TMEM178B: variants seen among roughly 807,000 people sequenced by gnomAD.
TMEM178B encodes transmembrane protein 178B.
TMEM178B carries 5 observed loss-of-function variants against 31.0 expected under a neutral mutation model. That is an observed-to-expected ratio of 0.16 (90% CI 0.08 to 0.34). The LOEUF (loss-of-function observed/expected upper bound fraction) is 0.34. Among genes scored for constraint, TMEM178B ranks in the 10% least tolerant of loss-of-function variants. The pLI is 1.00. For synonymous variants in TMEM178B, 164 were observed against 164.0 expected (o/e 1.00, Z 0.00); for missense variants, 275 against 400.3 (o/e 0.69, Z 2.67).
intron 1 of TMEM178B, among the ~76,000 whole-genome samples, chr7:141,158,360 T>C (rs1207939985): frequency 6.6e-6 from 1 of 152,170 alleles, no homozygotes; most frequent in Admixed American, 6.5e-5. Context: ...CCTCCCAAAA[T>C]GCTGGGATTA....
the TMEM178B span, among the ~76,000 whole-genome samples, chr7:141,487,237 A>G: frequency 6.6e-6 from 1 of 152,146 alleles, no homozygotes; most frequent in Non-Finnish European, 1.5e-5. Flanking sequence ...ACCAAGGGAC[A>G]TGCAGTTTCC....
At chr7:141,385,961 T>C (rs1800424538) in intron 2 of TMEM178B, among the ~76,000 whole-genome samples, 1 of 152,266 alleles carries the variant, frequency 6.6e-6, no homozygotes, top group African/African-American at 2.4e-5. Context: ...CTGGGGCTTC[T>C]TTCTGAACTC....
rs143978702 is a variant in TMEM178B at position 141,259,929 on chromosome 7, A to T, written c.496+47225A>T. ...CTCCTCTGTCTGTGCACAATGCCTC[A>T]CATTCACCCAGGGGTGTGTGGATAG... is the stretch of plus-strand genomic sequence containing the variant. On this transcript the variant is annotated intron_variant, in intron 2 of 3. Transcript: ENST00000565468. Among the ~76,000 whole-genome samples the T allele has an allele frequency of 6.0e-3, 918 of 152,196 alleles. 2 individuals are homozygous for T. Among genetic ancestry groups the T allele is most frequent in the Non-Finnish European group, 9.5e-3 (649 of 68,000 alleles).
chr7:141,396,724 T>A (rs1460655590), intron 2 of TMEM178B, among the ~76,000 whole-genome samples: 1 of 152,180 alleles, frequency 6.6e-6, no homozygotes, highest in African/African-American at 2.4e-5. Context: ...GTGGGCACAG[T>A]GACCCATCTT....
In TMEM178B at chr7:141,476,098, C is replaced by G. The variant is rs188496256; in HGVS notation, c.*5312C>G. On this transcript the variant is annotated 3_prime_UTR_variant, in exon 4 of 4. Coordinates refer to ENST00000565468, the MANE Select transcript of TMEM178B (RefSeq NM_001195278.2). ...ATGTTCTAATTATCCCTCAGAAGAC[C>G]CCCCGCTGGAATGGAATTCTCACAT... 1 of 152,180 alleles carries G rather than the reference C, an allele frequency of 6.6e-6. No homozygotes were observed. The highest frequency in any genetic ancestry group is 6.5e-5 in the Admixed American group (1 of 15,280). 9.4% of individuals were successfully genotyped at this position (152,180 alleles called of 1,614,324 possible).
At chr7:141,219,030 G>A (rs1459913708) in intron 2 of TMEM178B, among the ~76,000 whole-genome samples, 1 of 152,204 alleles carries the variant, frequency 6.6e-6, no homozygotes, top group Non-Finnish European at 1.5e-5. Flanking sequence ...GTGGACCAAA[G>A]GGCTTGGGAT....
intron 2 of TMEM178B, among the ~76,000 whole-genome samples, chr7:141,305,193 G>T (rs1378422210): frequency 2.6e-5 from 4 of 152,106 alleles, no homozygotes; most frequent in African/African-American, 9.7e-5. Context: ...TCACTTCACT[G>T]CCCCAAAAGA....
chr7:141,285,450 G>A (rs935291059), intron 2 of TMEM178B, among the ~76,000 whole-genome samples: 3 of 151,806 alleles, frequency 2.0e-5, no homozygotes, highest in Admixed American at 6.6e-5. Context: ...GAGCCACTGC[G>A]CCTGGCCAAT....
At chr7:141,120,293 ATC>A (rs1795388836) in intron 1 of TMEM178B, among the ~76,000 whole-genome samples, 1 of 152,222 alleles carries the variant, frequency 6.6e-6, no homozygotes, top group African/African-American at 2.4e-5. Flanking sequence ...GAGAAAATAT[ATC>A]TGTTTGTGAA....
intron 1 of TMEM178B, among the ~76,000 whole-genome samples, chr7:141,177,070 T>A (rs1796445924): frequency 6.6e-6 from 1 of 152,248 alleles, no homozygotes; most frequent in Non-Finnish European, 1.5e-5. Flanking sequence ...CTTTCTTGCT[T>A]TCTCTTGTGG....
At chr7:141,408,425 C>A (rs1800924228) in intron 2 of TMEM178B, among the ~76,000 whole-genome samples, 1 of 152,168 alleles carries the variant, frequency 6.6e-6, no homozygotes, top group Admixed American at 6.5e-5. Flanking sequence ...TGCTTGGCCC[C>A]ACCCCCAGAT....
intron 2 of TMEM178B, among the ~76,000 whole-genome samples, chr7:141,382,552 G>T (rs1448818973): frequency 6.6e-6 from 1 of 152,136 alleles, no homozygotes; most frequent in East Asian, 1.9e-4. Flanking sequence ...CATTTCATGT[G>T]TCTGATCTGC....
intron 2 of TMEM178B, among the ~76,000 whole-genome samples, chr7:141,384,760 A>C (rs1322410614): frequency 6.6e-6 from 1 of 152,164 alleles, no homozygotes; most frequent in Non-Finnish European, 1.5e-5. Context: ...GAAGAAAGTC[A>C]TTGGTAGCTT....
chr7:141,385,636 T>C (rs2116595344), intron 2 of TMEM178B, among the ~76,000 whole-genome samples: 1 of 152,332 alleles, frequency 6.6e-6, no homozygotes, highest in South Asian at 2.1e-4. Flanking sequence ...GTCAGCAACC[T>C]TTTTATCCAG....
chr7:141,322,459 C>T (rs1052524662), intron 2 of TMEM178B, among the ~76,000 whole-genome samples: 7 of 152,150 alleles, frequency 4.6e-5, no homozygotes, highest in East Asian at 1.9e-4. Context: ...CCCTTGATCC[C>T]GGGAGGTGGA....
At chr7:141,205,903 A>G (rs1201119250) in intron 1 of TMEM178B, among the ~76,000 whole-genome samples, 2 of 152,220 alleles carry the variant, frequency 1.3e-5, no homozygotes, top group Non-Finnish European at 2.9e-5. Context: ...TTTCTGTGCC[A>G]TCTCTGGCAC....
chr7:141,240,090 A>C (rs1797595096), intron 2 of TMEM178B, among the ~76,000 whole-genome samples: 1 of 152,226 alleles, frequency 6.6e-6, no homozygotes, highest in African/African-American at 2.4e-5. Context: ...CTTTGAAATC[A>C]CATGTTAATT....
intron 2 of TMEM178B, among the ~76,000 whole-genome samples, chr7:141,227,005 G>A (rs1797354715): frequency 2.0e-5 from 3 of 152,192 alleles, no homozygotes; most frequent in Admixed American, 2.0e-4. Context: ...GCCATCTTTG[G>A]TTGTTGTTGG....
chr7:141,383,580 G>A (rs1472423867), intron 2 of TMEM178B, among the ~76,000 whole-genome samples: 1 of 152,024 alleles, frequency 6.6e-6, no homozygotes, highest in Non-Finnish European at 1.5e-5. Context: ...AGTATTCCAT[G>A]GTGTATATGT....
Sources: gnomAD v4.1 joint callset for allele counts (sites outside exome capture counted in the v4.1 genomes callset) on GRCh38, gnomAD v4.1.1 for gene constraint, MANE v1.5 for transcripts, NCBI Gene and HGNC (gene_info 2026-07-23, HGNC 2026-07-21) for gene names.